Variants in FAF1 observed in about 807,000 individuals in gnomAD.
FAF1 encodes the protein Fas associated factor 1.
A neutral mutation model predicts 92.5 loss-of-function variants in FAF1; 25 were observed. The observed-to-expected ratio is 0.27, with a 90% CI of 0.20 to 0.38. FAF1 has a LOEUF of 0.38. FAF1 is among the 10% of genes least tolerant of loss of function. The pLI, the probability that FAF1 is intolerant of heterozygous loss-of-function variation, is 1.00. For missense variants in FAF1, 636 were observed against 793.3 expected, an observed-to-expected ratio of 0.80 and a Z score of 2.38; for synonymous variants, 234 against 273.2, an observed-to-expected ratio of 0.86 and a Z score of 1.42.
At chr1:50,630,632 T>A (rs1390531876) in intron 8 of FAF1, among the ~76,000 whole-genome samples, 3 of 152,128 alleles carry the variant, frequency 2.0e-5, no homozygotes, top group Non-Finnish European at 4.4e-5. Flanking sequence ...ACTGAGGGAA[T>A]GACATAATAT....
intron 3 of FAF1, among the ~76,000 whole-genome samples, chr1:50,788,934 C>T (rs12093909): frequency 0.02 from 3,029 of 152,210 alleles, 98 homozygotes; most frequent in African/African-American, 0.07. Context: ...TGGACTCCAG[C>T]AATCAATCCA....
At chr1:50,742,342 T>A (rs1030092467) in intron 5 of FAF1, among the ~76,000 whole-genome samples, 4 of 139,598 alleles carry the variant, frequency 2.9e-5, no homozygotes, top group Non-Finnish European at 6.2e-5. Flanking sequence ...AAGAAAGAAG[T>A]AAATTGAAGT....
At chr1:50,852,135 T>C (rs1644356262) in intron 2 of FAF1, among the ~76,000 whole-genome samples, 1 of 152,172 alleles carries the variant, frequency 6.6e-6, no homozygotes, top group Non-Finnish European at 1.5e-5. Flanking sequence ...TCATGAAAAG[T>C]ATTTCTCAAA....
chr1:50,822,604 A>C (rs533595025), intron 2 of FAF1, among the ~76,000 whole-genome samples: 2 of 152,266 alleles, frequency 1.3e-5, no homozygotes, highest in African/African-American at 4.8e-5. Flanking sequence ...CCTTCTGCTC[A>C]CTGTATAACT....
intron 4 of FAF1, among the ~76,000 whole-genome samples, chr1:50,767,879 A>G (rs1235396072): frequency 1.3e-5 from 2 of 152,154 alleles, no homozygotes; most frequent in Admixed American, 1.3e-4. Context: ...CCTACAAACA[A>G]TTACACAATC....
At chr1:50,656,143 C>T (rs1655099732) in intron 7 of FAF1, among the ~76,000 whole-genome samples, 1 of 152,002 alleles carries the variant, frequency 6.6e-6, no homozygotes, top group African/African-American at 2.4e-5. Context: ...ACCAGTCTGG[C>T]CAACATGGTG....
intron 4 of FAF1, among the ~76,000 whole-genome samples, chr1:50,764,261 T>C (rs1261197647): frequency 6.6e-6 from 1 of 152,206 alleles, no homozygotes; most frequent in African/African-American, 2.4e-5. Flanking sequence ...CAGTACTAAC[T>C]GTACCCTGTG....
chr1:50,872,385 T>C (rs1374888049), intron 1 of FAF1, among the ~76,000 whole-genome samples: 3 of 152,212 alleles, frequency 2.0e-5, no homozygotes, highest in Non-Finnish European at 4.4e-5. Flanking sequence ...ATTGCTGCAA[T>C]CTTATGATAA....
intron 7 of FAF1, among the ~76,000 whole-genome samples, chr1:50,663,450 TGGAGTG>T (rs1276232498): frequency 6.7e-6 from 1 of 149,298 alleles, no homozygotes; most frequent in Non-Finnish European, 1.5e-5. Flanking sequence ...GAGTCCAGGC[TGGAGTG>T]CAATGGCACA....
chr1:50,631,042 G>A (rs949336674), intron 8 of FAF1, among the ~76,000 whole-genome samples: 13 of 151,576 alleles, frequency 8.6e-5, no homozygotes, highest in South Asian at 4.2e-4. Flanking sequence ...CACCCACCTC[G>A]GCCTCCCAAA....
chr1:50,725,289 T>C (rs1658599156), intron 6 of FAF1, among the ~76,000 whole-genome samples: 1 of 152,140 alleles, frequency 6.6e-6, no homozygotes, highest in African/African-American at 2.4e-5. Flanking sequence ...CATACAGTGA[T>C]TCTGAAGCCA....
intron 2 of FAF1, among the ~76,000 whole-genome samples, chr1:50,802,715 T>C (rs138458088): frequency 6.6e-6 from 1 of 152,276 alleles, no homozygotes; most frequent in East Asian, 1.9e-4. Context: ...AACAACAACA[T>C]AAGCCCAACT....
intron 2 of FAF1, among the ~76,000 whole-genome samples, chr1:50,853,855 T>C (rs895608477): frequency 6.6e-6 from 1 of 152,102 alleles, no homozygotes; most frequent in African/African-American, 2.4e-5. Flanking sequence ...TTCAAACTTA[T>C]GAAGATCTAT....
chr1:50,723,737 C>T (rs1414413904), intron 6 of FAF1, among the ~76,000 whole-genome samples: 1 of 152,032 alleles, frequency 6.6e-6, no homozygotes, highest in African/African-American at 2.4e-5. Context: ...CACAGCAAAA[C>T]CCCATCTCTT....
rs541985710 is a variant in FAF1 at position 50,657,601 on chromosome 1, C to T, written c.658-2073G>A. On this transcript the variant is annotated intron_variant, in intron 7 of 18. Coordinates refer to ENST00000396153, the MANE Select transcript of FAF1 (RefSeq NM_007051.3). ...AAAAACTTCAATAGGGTTCTTCATA[C>T]TTCAACAAGCATCATGCATTTATGT... Among the ~76,000 whole-genome samples the T allele has an allele frequency of 3.9e-5, 6 of 152,326 alleles. No individual in the cohort carries two copies. The South Asian group carries it at 1.0e-3, about 26-fold the overall frequency.
At chr1:50,791,048 A>C (rs1340577955) in intron 3 of FAF1, among the ~76,000 whole-genome samples, 1 of 152,142 alleles carries the variant, frequency 6.6e-6, no homozygotes, top group Admixed American at 6.5e-5. Context: ...AAAAACAGTT[A>C]GTTTTTCAAT....
intron 4 of FAF1, among the ~76,000 whole-genome samples, chr1:50,787,220 C>T (rs1213538281): frequency 6.6e-6 from 1 of 152,068 alleles, no homozygotes; most frequent in Admixed American, 6.5e-5. Context: ...TTTCAACTGG[C>T]AGAGAGAAAA....
At chr1:50,828,170 G>A (rs778117929) in intron 2 of FAF1, among the ~76,000 whole-genome samples, 1 of 150,902 alleles carries the variant, frequency 6.6e-6, no homozygotes, top group Non-Finnish European at 1.5e-5. Flanking sequence ...TAAAAGACTA[G>A]AGAATTCAGA....
chr1:50,582,603 T>A lies in FAF1; in HGVS notation c.1113+15A>T. ...GGATGCACTTTTTAATCAGAAAAGG[T>A]CAAACTGTACTTACATCTCGGGCTT... On this transcript the variant is annotated intron_variant, in intron 12 of 18. Coordinates refer to ENST00000396153, the MANE Select transcript of FAF1 (RefSeq NM_007051.3). The A allele has an allele frequency of 6.4e-7, 1 of 1,573,668 alleles. No individual in the cohort carries two copies. The highest frequency in any genetic ancestry group is 8.7e-7 in the Non-Finnish European group (1 of 1,143,376).
Sources: gnomAD v4.1 joint callset for allele counts (sites outside exome capture counted in the v4.1 genomes callset) on GRCh38, gnomAD v4.1.1 for gene constraint, MANE v1.5 for transcripts, NCBI Gene and HGNC (gene_info 2026-07-23, HGNC 2026-07-21) for gene names.